The following MYO18B variants were observed in gnomAD, a reference collection of about 807,000 sequenced individuals.
MYO18B encodes the protein myosin XVIIIB.
Under a neutral mutation model 273.0 loss-of-function variants are expected in MYO18B, and 204 were observed. That is an observed-to-expected ratio of 0.75 (90% CI 0.67 to 0.84). The LOEUF is 0.84. Among genes scored for constraint, MYO18B ranks in the 40% least tolerant of loss-of-function variants. MYO18B has a pLI of 0.00. For missense variants in MYO18B, 3,212 were observed against 3,287.6 expected (o/e 0.98, Z 0.56); for synonymous variants, 1,330 against 1,305.7 (o/e 1.02, Z -0.40).
intron 1 of MYO18B, among the ~76,000 whole-genome samples, chr22:25,752,205 T>G (rs1324721321): frequency 3.6e-5 from 4 of 110,880 alleles, no homozygotes; most frequent in Non-Finnish European, 3.8e-5. Context: ...TTTTTTTTTT[T>G]GAGACGGAGT....
At chr22:25,934,833 G>A (rs1285600506) in intron 34 of MYO18B, among the ~76,000 whole-genome samples, 1 of 152,160 alleles carries the variant, frequency 6.6e-6, no homozygotes, top group Non-Finnish European at 1.5e-5. Context: ...GCCCTGAGCA[G>A]TTCCCAGCTT....
Position 25,877,991 on chromosome 22 carries a change from A to T in MYO18B, c.4257A>T (p.Glu1419Asp). 6.3e-7 allele frequency: 1 copy of T among 1,582,844 alleles called. No homozygotes were observed. The highest frequency in any genetic ancestry group is 8.6e-7 in the Non-Finnish European group (1 of 1,164,028). Residue 1419 changes from glutamate to aspartate, a missense_variant, in exon 25 of 44, where the codon GAA becomes GAT. Glu to Asp is a conservative substitution (Grantham distance 45, BLOSUM62 2). Coordinates refer to ENST00000335473, the MANE Select transcript of MYO18B (RefSeq NM_032608.7). ...TTACAACGCTAAGACGGAAGCTAGA[A>T]AAATCAGAGAAGTTGCGGAATGAAC... Reference protein sequence around the residue: ...EELTTLRRKLEKSEKLRNELR... With the variant: ...EELTTLRRKLDKSEKLRNELR...
intron 12 of MYO18B, among the ~76,000 whole-genome samples, chr22:25,812,312 A>G (rs556747507): frequency 6.6e-6 from 1 of 152,294 alleles, no homozygotes; most frequent in Admixed American, 6.5e-5. Flanking sequence ...ACTGCAGCTC[A>G]TAACTCTGCT....
At chr22:25,874,823 C>G (rs2091146783) in intron 23 of MYO18B, among the ~76,000 whole-genome samples, 1 of 152,182 alleles carries the variant, frequency 6.6e-6, no homozygotes, top group African/African-American at 2.4e-5. Context: ...GACTGAATTT[C>G]CTCTCTGTAG....
intron 38 of MYO18B, among the ~76,000 whole-genome samples, chr22:25,954,205 G>A (rs1245234072): frequency 6.6e-6 from 1 of 152,088 alleles, no homozygotes; most frequent in Non-Finnish European, 1.5e-5. Flanking sequence ...CACTCGTGAT[G>A]GCCAAAGCAC....
At chr22:25,806,361 G>A (rs2088478157) in intron 12 of MYO18B, among the ~76,000 whole-genome samples, 1 of 152,184 alleles carries the variant, frequency 6.6e-6, no homozygotes, top group South Asian at 2.1e-4. Context: ...CCTGGGCTTA[G>A]TCAGTTTATT....
intron 7 of MYO18B, 146 bp downstream of exon 7, chr22:25,772,656 A>T (rs903395315): frequency 3.8e-6 from 3 of 783,746 alleles, no homozygotes; most frequent in Middle Eastern, 3.8e-4. Context: ...GCATTGTGGC[A>T]TCCTGTGGCA....
chr22:26,043,213 ATAT>A, the MYO18B span, among the ~76,000 whole-genome samples: 12 of 152,280 alleles, frequency 7.9e-5, no homozygotes, highest in East Asian at 7.7e-4. Flanking sequence ...GAGATTCATC[ATAT>A]TATTAGATGA....
At chr22:25,909,620 G>A (rs1246865887) in intron 32 of MYO18B, among the ~76,000 whole-genome samples, 2 of 152,194 alleles carry the variant, frequency 1.3e-5, no homozygotes, top group African/African-American at 4.8e-5. Flanking sequence ...TGTGTGCCCT[G>A]AGCCAGGGCT....
Position 25,903,824 on chromosome 22 carries a change from T to C in MYO18B, c.5141T>C (p.Leu1714Pro). The C allele has an allele frequency of 6.3e-7, 1 of 1,597,144 alleles. No individual in the cohort carries two copies. The highest frequency in any genetic ancestry group is 2.3e-5 in the East Asian group (1 of 43,972). Residue 1714 changes from leucine to proline, a missense_variant, in exon 31 of 44, where the codon CTG (leucine) becomes CCG (proline). Leu to Pro is a moderately conservative substitution (Grantham distance 98). Coordinates refer to ENST00000335473, the MANE Select transcript of MYO18B (RefSeq NM_032608.7). Reference sequence around the variant, plus strand: ...CAGCAGGAAAACACCATCAAGCAGCTGGAGCAGGTAGGAAAGCCCTGTCTC... The same window carrying C: ...CAGCAGGAAAACACCATCAAGCAGCCGGAGCAGGTAGGAAAGCCCTGTCTC... ...QSQQENTIKQ[L>P]EQLRQRFELE... is the part of the protein sequence containing the mutation.
intron 17 of MYO18B, among the ~76,000 whole-genome samples, chr22:25,842,255 A>T (rs2090104799): frequency 6.6e-6 from 1 of 152,138 alleles, no homozygotes; most frequent in South Asian, 2.1e-4. Context: ...GCAAATTAGG[A>T]TTTGAGGGGA....
rs1235552340 is a variant in MYO18B, at chr22:25,843,926, G to A, written c.3368+32G>A. 2.5e-6 allele frequency: 4 copies of A among 1,584,332 alleles called. No individual in the cohort carries two copies. In the East Asian group the frequency reaches 9.0e-5, roughly 36 times the overall value. On this transcript the variant is annotated intron_variant, in intron 18 of 43. Transcript: ENST00000335473. Reference sequence around the variant, plus strand: ...TGGGTCAGGGTTGGGGACGGGGATGGAGCATTGGAGGCACTGTGTTTTCCT... The same window carrying A: ...TGGGTCAGGGTTGGGGACGGGGATGAAGCATTGGAGGCACTGTGTTTTCCT...
intron 13 of MYO18B, among the ~76,000 whole-genome samples, chr22:25,824,986 G>A (rs548700785): frequency 2.7e-4 from 41 of 151,692 alleles, no homozygotes; most frequent in Non-Finnish European, 5.1e-4. Context: ...ACAGATATGC[G>A]TGGCACATGT....
At position 25,780,135 on chromosome 22, in the gene MYO18B, G is replaced by A; in HGVS notation, c.2148G>A (p.Arg716=). 6.2e-7 allele frequency: 1 copy of A among 1,605,894 alleles called. No individual in the cohort carries two copies. Among genetic ancestry groups the A allele is most frequent in the Non-Finnish European group, 8.5e-7 (1 of 1,177,034 alleles). Residue 716 remains arginine, a synonymous_variant, in exon 9 of 44, where the codon CGG becomes CGA. Transcript: ENST00000335473. ...TGGCCCACAGCCGCAGTGCCACCCG[G>A]TTCTCCATGGTGATGTCGCTGGACT... The part of the protein sequence containing the change: ...VSMAHSRSAT[R]FSMVMSLDFN...
chr22:25,856,380 G>A (rs1601368276), intron 21 of MYO18B, among the ~76,000 whole-genome samples: 2 of 152,180 alleles, frequency 1.3e-5, no homozygotes, highest in Non-Finnish European at 2.9e-5. Flanking sequence ...TTCGTTACAG[G>A]ACATGCCATT....
intron 12 of MYO18B, among the ~76,000 whole-genome samples, chr22:25,810,875 G>A (rs955880211): frequency 6.6e-6 from 1 of 152,100 alleles, no homozygotes; most frequent in Admixed American, 6.5e-5. Context: ...TACTCTATTA[G>A]CAGCAAAGGT....
At chr22:25,812,498 A>C (rs1429730882) in intron 12 of MYO18B, among the ~76,000 whole-genome samples, 3 of 152,226 alleles carry the variant, frequency 2.0e-5, no homozygotes, top group African/African-American at 7.2e-5. Flanking sequence ...TCTGGGACCC[A>C]GCTGGCTGGG....
chr22:25,787,639 A>G (rs142523686), intron 11 of MYO18B, among the ~76,000 whole-genome samples: 16 of 152,286 alleles, frequency 1.1e-4, no homozygotes, highest in African/African-American at 3.8e-4. Context: ...AATGAGAATG[A>G]AATTTCTTTC....
chr22:25,783,252 G>T (rs981561510), intron 10 of MYO18B, among the ~76,000 whole-genome samples: 2 of 152,220 alleles, frequency 1.3e-5, no homozygotes, highest in Admixed American at 1.3e-4. Context: ...TTTGATCTGG[G>T]CTTTGCCCCA....
Sources: gnomAD v4.1 joint callset for allele counts (sites outside exome capture counted in the v4.1 genomes callset) on GRCh38, gnomAD v4.1.1 for gene constraint, MANE v1.5 for transcripts, NCBI Gene and HGNC (gene_info 2026-07-23, HGNC 2026-07-21) for gene names.